Variants in ZMYM2 observed in about 807,000 individuals in gnomAD.
The protein encoded by ZMYM2 is zinc finger MYM-type protein 2.
ZMYM2 carries 56 observed loss-of-function variants against 162.8 expected under a neutral mutation model. The observed-to-expected ratio is 0.34, with a 90% CI of 0.28 to 0.43. The LOEUF (loss-of-function observed/expected upper bound fraction) is 0.43, where lower values mean the gene tolerates loss of function less well. Ranked by LOEUF, ZMYM2 falls within the 20% of genes least tolerant of loss-of-function variation. The probability of loss-of-function intolerance (pLI) is 1.00; values close to 1 mark genes in which losing one functional copy is unlikely to be tolerated. For synonymous variants in ZMYM2, 510 were observed against 541.6 expected (o/e 0.94, Z 0.81); for missense variants, 1,275 against 1,621.8 (o/e 0.79, Z 3.67).
intron 2 of ZMYM2, among the ~76,000 whole-genome samples, chr13:19,990,119 G>A (rs1199339008): frequency 6.6e-6 from 1 of 152,136 alleles, no homozygotes; most frequent in Non-Finnish European, 1.5e-5. Context: ...AGTGTTTCCT[G>A]TTCCAGTAAA....
chr13:19,897,796 A>C, the ZMYM2 span, among the ~76,000 whole-genome samples: 6 of 152,108 alleles, frequency 3.9e-5, no homozygotes, highest in African/African-American at 7.2e-5. Flanking sequence ...TCAACTTACC[A>C]ACAAAATTAT....
chr13:20,079,028 A>AT (rs1957718057), intron 21 of ZMYM2, among the ~76,000 whole-genome samples: 1 of 151,514 alleles, frequency 6.6e-6, no homozygotes, highest in Non-Finnish European at 1.5e-5. Flanking sequence ...AAAAAAAAAG[A>AT]TACTTTTATT....
the ZMYM2 span, among the ~76,000 whole-genome samples, chr13:19,899,570 C>A: frequency 6.6e-5 from 10 of 151,902 alleles, no homozygotes; most frequent in Admixed American, 4.6e-4. Flanking sequence ...ATAATCCCAG[C>A]ACTTTGGGAG....
At chr13:20,083,178 T>C in intron 23 of ZMYM2, 146 bp downstream of exon 23, 1 of 772,532 alleles carries the variant, frequency 1.3e-6, no homozygotes, top group Non-Finnish European at 2.0e-6. Flanking sequence ...TTCTCCTCCC[T>C]CAGCCTCCTG....
chr13:19,922,158 G>A, the ZMYM2 span, among the ~76,000 whole-genome samples: 44 of 152,062 alleles, frequency 2.9e-4, no homozygotes, highest in Middle Eastern at 0.014. Flanking sequence ...CAGGTGATCC[G>A]CCTGCCTCGG....
intron 12 of ZMYM2, among the ~76,000 whole-genome samples, chr13:20,037,113 A>G (rs568800176): frequency 6.6e-6 from 1 of 151,778 alleles, no homozygotes; most frequent in Non-Finnish European, 1.5e-5. Flanking sequence ...TAACTTAAGC[A>G]TTACCAAAAG....
At chr13:19,900,472 C>T in the ZMYM2 span, among the ~76,000 whole-genome samples, 4 of 152,044 alleles carry the variant, frequency 2.6e-5, no homozygotes, top group Non-Finnish European at 4.4e-5. Flanking sequence ...AAGCCTAGTA[C>T]TAGATGGGTT....
chr13:19,876,996 G>A, the ZMYM2 span, among the ~76,000 whole-genome samples: 3 of 151,996 alleles, frequency 2.0e-5, no homozygotes, highest in Non-Finnish European at 4.4e-5. Flanking sequence ...AGGCCGAGGC[G>A]GGCGGATCAC....
At chr13:20,023,110 A>G (rs1188002150) in intron 7 of ZMYM2, among the ~76,000 whole-genome samples, 1 of 152,196 alleles carries the variant, frequency 6.6e-6, no homozygotes, top group Non-Finnish European at 1.5e-5. Flanking sequence ...TTTATTTTTG[A>G]CAGTCATAGG....
At chr13:20,072,673 G>C (rs1957175112) in intron 21 of ZMYM2, among the ~76,000 whole-genome samples, 1 of 152,136 alleles carries the variant, frequency 6.6e-6, no homozygotes. Context: ...ATTACTTTTT[G>C]TGGTGGGGGT....
intron 21 of ZMYM2, among the ~76,000 whole-genome samples, chr13:20,073,379 A>G (rs1246040653): frequency 6.6e-6 from 1 of 152,202 alleles, no homozygotes; most frequent in African/African-American, 2.4e-5. Context: ...ATAAAAAACA[A>G]TCCTTAGCTC....
chr13:19,951,779 T>C, the ZMYM2 span, among the ~76,000 whole-genome samples: 1 of 152,098 alleles, frequency 6.6e-6, no homozygotes, highest in Admixed American at 6.6e-5. Flanking sequence ...CCTTGCACAC[T>C]GTTGCTAGGA....
chr13:19,994,048 T>C, intron 3 of ZMYM2, 129 bp downstream of exon 3: 6 of 1,133,512 alleles, frequency 5.3e-6, no homozygotes, highest in Non-Finnish European at 7.3e-6. Flanking sequence ...ATATTGAATT[T>C]TATCTTAAGT....
chr13:20,061,162 T>C lies in ZMYM2; in HGVS notation c.2849T>C (p.Leu950Ser). The C allele has an allele frequency of 6.2e-7, 1 of 1,613,796 alleles. No individual in the cohort carries two copies. Among genetic ancestry groups the C allele is most frequent in the Non-Finnish European group, 8.5e-7 (1 of 1,179,826 alleles). ...TCTTCAGATGCTCTTGATACAGAGT[T>C]GCTTACAATGACGGATATGATGAGT... ...KVSSDALDTELLTMTDMMSED... is the reference protein window; with the variant it reads ...KVSSDALDTESLTMTDMMSED... Residue 950 changes from leucine (L) to serine (S), a missense_variant, in exon 17 of 25, where the codon TTG becomes TCG. Coordinates refer to ENST00000610343, the MANE Select transcript of ZMYM2 (RefSeq NM_197968.4).
rs1432768544 is a variant in ZMYM2 at position 19,964,356 on chromosome 13, A to G, written c.-11+4330A>G. Among the ~76,000 whole-genome samples, 12 of 151,830 alleles carry G rather than the reference A, an allele frequency of 7.9e-5. 1 individual carries two copies. Among genetic ancestry groups the G allele is most frequent in the Admixed American group, 7.9e-4 (12 of 15,266 alleles). The stretch of plus-strand genomic sequence containing the variant: ...GCACCACTGCACTCCAGCCTGGGCA[A>G]TAGAGTGAGAGACCGTCTCAAAAAT... On this transcript the variant is annotated intron_variant, in intron 2 of 24. Coordinates refer to ENST00000610343, the MANE Select transcript of ZMYM2 (RefSeq NM_197968.4).
At chr13:20,067,127 G>A (rs1156303754) in intron 20 of ZMYM2, 108 bp downstream of exon 20, 163 of 1,377,490 alleles carry the variant, frequency 1.2e-4, no homozygotes, top group Non-Finnish European at 1.6e-4. Context: ...ATACCTGTAA[G>A]AATGCATTTT....
the ZMYM2 span, among the ~76,000 whole-genome samples, chr13:19,870,544 T>TTCCTTCCTTCCTTCCTTCCTTCCTTCC: frequency 1.8e-5 from 2 of 110,044 alleles, no homozygotes; most frequent in East Asian, 3.1e-4. Context: ...TTTCTCTTTC[T>TTCCTTCCTTCCTTCCTTCCTTCCTTCC]TTCTTTCTTC....
At chr13:20,031,599 C>T (rs1049216656) in intron 10 of ZMYM2, among the ~76,000 whole-genome samples, 164 bp downstream of exon 10, 1 of 151,538 alleles carries the variant, frequency 6.6e-6, no homozygotes, top group Admixed American at 6.7e-5. Flanking sequence ...AGTGGAAAAC[C>T]AACAAAGGAT....
intron 6 of ZMYM2, among the ~76,000 whole-genome samples, chr13:20,010,240 G>C (rs1277237671): frequency 6.6e-6 from 1 of 152,154 alleles, no homozygotes; most frequent in Non-Finnish European, 1.5e-5. Context: ...CTGTTACCCA[G>C]GTTGGAGTGC....
Sources: allele counts gnomAD v4.1 joint callset (sites outside exome capture counted in the v4.1 genomes callset), GRCh38; gene constraint gnomAD v4.1.1; transcripts MANE v1.5; gene names NCBI Gene and HGNC (gene_info 2026-07-23, HGNC 2026-07-21).